The following CRCP variants were observed in gnomAD, a reference collection of about 807,000 sequenced individuals.
CRCP encodes CGRP receptor component, also known as DNA-directed RNA polymerase III subunit RPC9.
A neutral mutation model predicts 18.5 loss-of-function variants in CRCP; 18 were observed. That is an observed-to-expected ratio of 0.97 (90% CI 0.67 to 1.44). The LOEUF (loss-of-function observed/expected upper bound fraction) is 1.44. CRCP is among the 40% of genes most tolerant of loss of function. The probability of loss-of-function intolerance (pLI) is 0.00; values close to 1 mark genes in which losing one functional copy is unlikely to be tolerated. For missense variants in CRCP, 130 were observed against 176.4 expected (o/e 0.74, Z 1.49); for synonymous variants, 53 against 62.9 (o/e 0.84, Z 0.75).
At chr7:66,123,749 CAAAAA>C (rs35581711) in intron 1 of CRCP, among the ~76,000 whole-genome samples, 1 of 138,532 alleles carries the variant, frequency 7.2e-6, no homozygotes, top group Non-Finnish European at 1.6e-5. Flanking sequence ...ACTCTTGTCT[CAAAAA>C]AAAAAAAAGG....
chr7:66,139,403 T>C (rs939740437), intron 4 of CRCP, among the ~76,000 whole-genome samples: 2 of 152,240 alleles, frequency 1.3e-5, no homozygotes, highest in East Asian at 1.9e-4. Flanking sequence ...GTTTACTTTT[T>C]CCCCCAGTTA....
intron 4 of CRCP, among the ~76,000 whole-genome samples, chr7:66,137,636 G>A (rs574902279): frequency 4.9e-4 from 74 of 152,358 alleles, no homozygotes; most frequent in African/African-American, 1.7e-3. Context: ...GAGATTGGAT[G>A]TTGAATGTTG....
chr7:66,132,509 A>G (rs1192717198), intron 3 of CRCP, among the ~76,000 whole-genome samples: 2 of 152,178 alleles, frequency 1.3e-5, no homozygotes, highest in Non-Finnish European at 2.9e-5. Context: ...CTGGGGGTAC[A>G]TGATATTGAT....
chr7:66,134,420 G>C lies in CRCP; in HGVS notation c.239+46G>C, dbSNP rs578225191. ...GGAAGAGCGTGACACATGGTGAAATGATAGTTGCTACATTCGTAGCAACCG... is the reference window on the plus strand; with the variant it reads ...GGAAGAGCGTGACACATGGTGAAATCATAGTTGCTACATTCGTAGCAACCG... On this transcript the variant is annotated intron_variant, in intron 4 of 5. Transcript: ENST00000395326. The C allele has an allele frequency of 6.9e-6, 9 of 1,296,794 alleles. No homozygotes were observed. The East Asian group carries it at 2.1e-4, about 30-fold the overall frequency. The allele number at this position is 1,296,794 out of a possible 1,614,324, so 80.3% of individuals were successfully genotyped here. A position where few individuals can be genotyped will look rare whatever the true frequency, so the allele number is the denominator to read the frequency against.
At chr7:66,140,669 G>A (rs954149178) in intron 4 of CRCP, among the ~76,000 whole-genome samples, 2 of 152,184 alleles carry the variant, frequency 1.3e-5, no homozygotes, top group African/African-American at 2.4e-5. Flanking sequence ...GGGATTACAG[G>A]CATGAGTCAC....
Position 66,130,720 on chromosome 7 carries a change from C to A in CRCP, c.46-24C>A, listed in dbSNP as rs200398279. On this transcript the variant is annotated intron_variant, in intron 2 of 5. Coordinates refer to ENST00000395326, the MANE Select transcript of CRCP (RefSeq NM_014478.5). ...TATATTTCTCAAATTTATTCATAAA[C>A]GTCTTTTTTGTATCTCCTCCTAGGT... 3.0e-4 allele frequency: 409 copies of A among 1,377,728 alleles called. 4 individuals carry two copies. The South Asian group carries it at 3.2e-3, about 11-fold the overall frequency. The allele number at this position is 1,377,728 out of a possible 1,614,324, so 85.3% of individuals were successfully genotyped here. A position where few individuals can be genotyped will look rare whatever the true frequency, so the allele number is the denominator to read the frequency against.
intron 1 of CRCP, chr7:66,126,736 A>G: frequency 2.7e-6 from 1 of 370,408 alleles, no homozygotes; most frequent in Admixed American, 3.2e-5. Flanking sequence ...TGCTGGTGGT[A>G]GTGGTAGTTG....
At chr7:66,129,288 G>T (rs2115920939) in intron 2 of CRCP, among the ~76,000 whole-genome samples, 1 of 152,264 alleles carries the variant, frequency 6.6e-6, no homozygotes, top group African/African-American at 2.4e-5. Context: ...AGCCAAGATT[G>T]TGCCACTGCA....
rs763575525 is a variant in CRCP at position 66,152,305 on chromosome 7, A to C, written c.395A>C (p.Gln132Pro). 1.9e-6 allele frequency: 3 copies of C among 1,614,118 alleles called. No homozygotes were observed. Among genetic ancestry groups the C allele is most frequent in the Non-Finnish European group, 2.5e-6 (3 of 1,179,996 alleles). Residue 132 changes from glutamine to proline, a missense_variant, in exon 6 of 6, where the codon CAG becomes CCG. Gln to Pro is a moderately conservative substitution (Grantham distance 76). Coordinates refer to ENST00000395326, the MANE Select transcript of CRCP (RefSeq NM_014478.5). The stretch of plus-strand genomic sequence containing the variant: ...CTGCCTGCAGAGCCAGAGGCTGAGC[A>C]GAAGAAGAATACAAACAGCAATGTG... ...SILPAEPEAE[Q>P]KKNTNSNVAM...
chr7:66,117,912 G>A (rs568553276), intron 1 of CRCP, among the ~76,000 whole-genome samples: 3 of 152,250 alleles, frequency 2.0e-5, no homozygotes, highest in South Asian at 2.1e-4. Context: ...GGACCATTGC[G>A]TTGTGGTACC....
chr7:66,129,202 G>A (rs1244822689), intron 2 of CRCP, among the ~76,000 whole-genome samples: 2 of 152,092 alleles, frequency 1.3e-5, no homozygotes, highest in Non-Finnish European at 2.9e-5. Flanking sequence ...GCAAGGTGGC[G>A]GGCGCCTGTA....
At chr7:66,133,276 C>T (rs570056243) in intron 3 of CRCP, among the ~76,000 whole-genome samples, 9 of 152,140 alleles carry the variant, frequency 5.9e-5, no homozygotes, top group Admixed American at 3.3e-4. Context: ...GAGGCCGAGG[C>T]GGGTGGATCA....
chr7:66,134,594 T>C, intron 4 of CRCP: 1 of 396,576 alleles, frequency 2.5e-6, no homozygotes, highest in South Asian at 3.9e-5. Flanking sequence ...ATCCTAGTGA[T>C]ACTGTATTAC....
At chr7:66,120,097 T>C (rs1215379963) in intron 1 of CRCP, among the ~76,000 whole-genome samples, 1 of 151,304 alleles carries the variant, frequency 6.6e-6, no homozygotes. Context: ...GGCAGGAGAA[T>C]GGCGTGAACC....
At chr7:66,136,237 G>A (rs1006152627) in intron 4 of CRCP, among the ~76,000 whole-genome samples, 1 of 149,352 alleles carries the variant, frequency 6.7e-6, no homozygotes, top group Non-Finnish European at 1.5e-5. Flanking sequence ...TTATTGGTTT[G>A]TTTTTTTTTG....
intron 4 of CRCP, among the ~76,000 whole-genome samples, chr7:66,136,735 T>C (rs1397681092): frequency 1.3e-5 from 2 of 152,062 alleles, no homozygotes; most frequent in Admixed American, 1.3e-4. Flanking sequence ...TGGGATTGCC[T>C]TACATCTATA....
chr7:66,124,876 A>G (rs1355245183), intron 1 of CRCP, among the ~76,000 whole-genome samples: 2 of 149,314 alleles, frequency 1.3e-5, no homozygotes, highest in African/African-American at 2.4e-5. Flanking sequence ...TTAAGATACA[A>G]TGTAAACTCA....
chr7:66,146,167 C>A (rs1442370629), intron 5 of CRCP, among the ~76,000 whole-genome samples: 1 of 152,206 alleles, frequency 6.6e-6, no homozygotes, highest in African/African-American at 2.4e-5. Context: ...CGTCAGAGAT[C>A]ACATCTAAAA....
chr7:66,124,520 C>T lies in CRCP; in HGVS notation c.9-3184C>T, dbSNP rs962713556. Among the ~76,000 whole-genome samples the T allele has an allele frequency of 7.0e-4, 99 of 141,202 alleles. 1 individual carries two copies. Among genetic ancestry groups the T allele is most frequent in the Non-Finnish European group, 1.2e-3 (78 of 65,300 alleles). 92.6% of individuals were successfully genotyped at this position (141,202 alleles called of 152,430 possible). Reference sequence around the variant, plus strand: ...CCTCCCTCCCTCCCTCCCTTCCTTCCTTCCTCCCTCCTTCCCTTCCTTCCT... The same window carrying T: ...CCTCCCTCCCTCCCTCCCTTCCTTCTTTCCTCCCTCCTTCCCTTCCTTCCT... On this transcript the variant is annotated intron_variant, in intron 1 of 5. Coordinates refer to ENST00000395326, the MANE Select transcript of CRCP (RefSeq NM_014478.5).
Sources: allele counts gnomAD v4.1 joint callset (sites outside exome capture counted in the v4.1 genomes callset), GRCh38; gene constraint gnomAD v4.1.1; transcripts MANE v1.5; gene names NCBI Gene and HGNC (gene_info 2026-07-23, HGNC 2026-07-21).